COPZ1: variants seen among roughly 807,000 people sequenced by gnomAD.
The protein encoded by COPZ1 is coat protein complex I subunit zeta 1.
COPZ1 carries 4 observed loss-of-function variants against 31.7 expected under a neutral mutation model. The observed-to-expected ratio is 0.13, with a 90% confidence interval of 0.06 to 0.29. The LOEUF (loss-of-function observed/expected upper bound fraction) is 0.29, where lower values mean the gene tolerates loss of function less well. Among genes scored for constraint, COPZ1 ranks in the 10% least tolerant of loss-of-function variants. COPZ1 has a pLI of 1.00. For missense variants in COPZ1, 156 were observed against 211.5 expected (o/e 0.74, Z 1.63); for synonymous variants, 74 against 79.0 (o/e 0.94, Z 0.33).
chr12:54,349,727 A>C, intron 8 of COPZ1, 69 bp downstream of exon 8: 1 of 1,204,548 alleles, frequency 8.3e-7, no homozygotes, highest in Non-Finnish European at 1.2e-6. Flanking sequence ...CATTCCACCC[A>C]TACCTCTCAA....
chr12:54,329,764 C>G (rs1440980582), intron 1 of COPZ1, among the ~76,000 whole-genome samples: 1 of 152,132 alleles, frequency 6.6e-6, no homozygotes, highest in Non-Finnish European at 1.5e-5. Context: ...ATCCTAAATT[C>G]TAAGCCTCAT....
intron 1 of COPZ1, among the ~76,000 whole-genome samples, chr12:54,333,276 G>A (rs941819206): frequency 3.3e-5 from 5 of 152,034 alleles, no homozygotes; most frequent in Admixed American, 6.5e-5. Context: ...AAACTCCTGA[G>A]CTCAAGCTAT....
At chr12:54,331,637 G>T (rs921710181) in intron 1 of COPZ1, among the ~76,000 whole-genome samples, 1 of 152,064 alleles carries the variant, frequency 6.6e-6, no homozygotes, top group Non-Finnish European at 1.5e-5. Flanking sequence ...TGATTTGGGG[G>T]CATAAATAGA....
chr12:54,343,679 C>T (rs1442094143), intron 4 of COPZ1, among the ~76,000 whole-genome samples: 3 of 152,170 alleles, frequency 2.0e-5, no homozygotes, highest in African/African-American at 7.2e-5. Context: ...AGCTAACAAC[C>T]TGGGTCATGT....
chr12:54,345,209 G>T (rs1384778322), intron 4 of COPZ1: 1 of 455,690 alleles, frequency 2.2e-6, no homozygotes, highest in Non-Finnish European at 4.0e-6. Context: ...ACATTGTAGA[G>T]GACTGTGACA....
chr12:54,335,278 T>G (rs1953839144), intron 1 of COPZ1, among the ~76,000 whole-genome samples: 1 of 152,044 alleles, frequency 6.6e-6, no homozygotes, highest in Non-Finnish European at 1.5e-5. Flanking sequence ...CTCCTTCTAG[T>G]TTTTACCTTC....
intron 1 of COPZ1, among the ~76,000 whole-genome samples, chr12:54,330,266 GTTTAA>G (rs1953726370): frequency 6.6e-6 from 1 of 152,134 alleles, no homozygotes; most frequent in African/African-American, 2.4e-5. Flanking sequence ...ATTGATTGAA[GTTTAA>G]TTTATTGACA....
chr12:54,336,570 T>G (rs1953869444), intron 1 of COPZ1, among the ~76,000 whole-genome samples: 1 of 151,744 alleles, frequency 6.6e-6, no homozygotes, highest in East Asian at 1.9e-4. Flanking sequence ...GAGCTGCCTT[T>G]GAAAAATATT....
At chr12:54,340,441 G>A in intron 1 of COPZ1, 106 bp from the exon 2 acceptor site, 1 of 1,533,704 alleles carries the variant, frequency 6.5e-7, no homozygotes, top group Non-Finnish European at 8.7e-7. Flanking sequence ...ACTTACAGAG[G>A]TACCTCTGTA....
intron 4 of COPZ1, chr12:54,344,784 G>T (rs1412586523): frequency 1.3e-5 from 2 of 151,378 alleles, no homozygotes; most frequent in Non-Finnish European, 2.9e-5. Context: ...ACAGGGTCTT[G>T]TTCTGTCTCC....
chr12:54,349,138 A>C (rs1954107875), intron 7 of COPZ1, among the ~76,000 whole-genome samples: 1 of 151,644 alleles, frequency 6.6e-6, no homozygotes, highest in Non-Finnish European at 1.5e-5. Flanking sequence ...CCCCCCATCA[A>C]CTCCCCGCTT....
At chr12:54,325,229 G>A (rs1431505529) in intron 1 of COPZ1, 48 bp downstream of exon 1, 2 of 1,545,886 alleles carry the variant, frequency 1.3e-6, no homozygotes, top group Non-Finnish European at 1.7e-6. Context: ...CACAGGGGCC[G>A]GGAGTCAGGG....
At chr12:54,348,486 C>A (rs1458126149) in intron 7 of COPZ1, among the ~76,000 whole-genome samples, 1 of 152,116 alleles carries the variant, frequency 6.6e-6, no homozygotes, top group Non-Finnish European at 1.5e-5. Context: ...CACCTGTAAT[C>A]CCAGCACTTT....
chr12:54,340,488 C>A (rs750737631), intron 1 of COPZ1, 59 bp from the exon 2 acceptor site: 3 of 1,606,048 alleles, frequency 1.9e-6, no homozygotes. Context: ...GGGAAGGTAT[C>A]TGGTTTACCA....
intron 1 of COPZ1, among the ~76,000 whole-genome samples, chr12:54,338,640 G>A (rs756660838): frequency 4.6e-5 from 7 of 152,182 alleles, no homozygotes; most frequent in East Asian, 1.9e-4. Context: ...TGCATACTGC[G>A]TCAAGGTATT....
At chr12:54,335,899 T>G (rs1953855423) in intron 1 of COPZ1, among the ~76,000 whole-genome samples, 4 of 152,078 alleles carry the variant, frequency 2.6e-5, no homozygotes, top group Middle Eastern at 3.4e-3. Flanking sequence ...AGGTTGGTCT[T>G]GAACTCCTGG....
At chr12:54,333,448 T>G (rs1953795676) in intron 1 of COPZ1, among the ~76,000 whole-genome samples, 1 of 152,216 alleles carries the variant, frequency 6.6e-6, no homozygotes, top group Non-Finnish European at 1.5e-5. Flanking sequence ...AAAAAGGCAT[T>G]AACCTTAACT....
chr12:54,345,442 T>G lies in COPZ1; in HGVS notation c.262-18T>G, dbSNP rs1449734867. ...GGGCCTTGAACCTTATCCTTCTGCC[T>G]CCTCTGTTTCCCAACAGCTGATGCT... On this transcript the variant is annotated intron_variant, in intron 4 of 8. Coordinates refer to ENST00000262061, the MANE Select transcript of COPZ1 (RefSeq NM_016057.3). The G allele has an allele frequency of 3.1e-6, 5 of 1,609,240 alleles. No individual in the cohort carries two copies. Among genetic ancestry groups the G allele is most frequent in the South Asian group, 1.1e-5 (1 of 90,944 alleles).
chr12:54,326,315 A>AT (rs759214724), intron 1 of COPZ1, among the ~76,000 whole-genome samples: 14 of 138,044 alleles, frequency 1.0e-4, no homozygotes, highest in Non-Finnish European at 2.0e-4. Context: ...AATTTTTTGT[A>AT]TTTTTTAGTA....
Sources: gnomAD v4.1 joint callset for allele counts (sites outside exome capture counted in the v4.1 genomes callset) on GRCh38, gnomAD v4.1.1 for gene constraint, MANE v1.5 for transcripts, NCBI Gene and HGNC (gene_info 2026-07-23, HGNC 2026-07-21) for gene names.